TTC17: variants seen among roughly 807,000 people sequenced by gnomAD.
The protein encoded by TTC17 is tetratricopeptide repeat protein 17.
TTC17 carries 58 observed loss-of-function variants against 143.8 expected under a neutral mutation model. The observed-to-expected ratio is 0.40, with a 90% confidence interval of 0.33 to 0.50. The LOEUF (loss-of-function observed/expected upper bound fraction) is 0.50, where lower values mean the gene tolerates loss of function less well. Ranked by LOEUF, TTC17 falls within the 20% of genes least tolerant of loss-of-function variation. TTC17 has a pLI of 0.49. For missense variants in TTC17, 1,273 were observed against 1,392.5 expected (o/e 0.91, Z 1.37); for synonymous variants, 501 against 497.8 (o/e 1.01, Z -0.09).
At chr11:43,376,139 C>T (rs374880298) in intron 1 of TTC17, among the ~76,000 whole-genome samples, 11 of 152,210 alleles carry the variant, frequency 7.2e-5, no homozygotes, top group East Asian at 3.9e-4. Flanking sequence ...TTTCAGATTT[C>T]GGATTTTCAG....
At chr11:43,378,213 A>C (rs974777499) in intron 1 of TTC17, among the ~76,000 whole-genome samples, 5 of 152,132 alleles carry the variant, frequency 3.3e-5, no homozygotes, top group Non-Finnish European at 7.4e-5. Flanking sequence ...TTGGTTAGGC[A>C]TTTTGGAATG....
At chr11:43,469,960 GA>G (rs1282253575) in intron 21 of TTC17, among the ~76,000 whole-genome samples, 1 of 152,118 alleles carries the variant, frequency 6.6e-6, no homozygotes, top group Non-Finnish European at 1.5e-5. Flanking sequence ...TGGAGGCTCA[GA>G]AATATAGGAA....
chr11:43,452,236 A>G (rs928192108), intron 21 of TTC17, among the ~76,000 whole-genome samples: 6 of 152,212 alleles, frequency 3.9e-5, no homozygotes, highest in Non-Finnish European at 2.9e-5. Context: ...CCGGTGGCTC[A>G]CACCTGTAAT....
At chr11:43,437,095 A>G (rs1947309973) in intron 16 of TTC17, among the ~76,000 whole-genome samples, 1 of 151,692 alleles carries the variant, frequency 6.6e-6, no homozygotes, top group African/African-American at 2.4e-5. Flanking sequence ...ACAACTCCAG[A>G]TCTTATTTCT....
intron 1 of TTC17, among the ~76,000 whole-genome samples, chr11:43,369,259 G>C (rs750107187): frequency 6.6e-6 from 1 of 152,162 alleles, no homozygotes; most frequent in African/African-American, 2.4e-5. Flanking sequence ...TTACTAACTT[G>C]CTTGTCAATT....
chr11:43,463,695 G>C (rs1214496275), intron 21 of TTC17, among the ~76,000 whole-genome samples: 3 of 151,884 alleles, frequency 2.0e-5, no homozygotes, highest in Admixed American at 2.0e-4. Context: ...CTGGTGCCAG[G>C]CAAGCTATTA....
chr11:43,404,056 A>G lies in TTC17; in HGVS notation c.1391A>G (p.Asn464Ser). The change falls in exon 11 of 24, where the codon AAT (asparagine) becomes AGT (serine). Residue 464 changes from asparagine (N) to serine (S), a missense_variant. By Grantham distance (46) the Asn-to-Ser change is conservative. This residue lies in a region of TTC17 where 878 missense variants were observed against 899.8 expected (regional missense o/e 0.98). Coordinates refer to ENST00000039989, the MANE Select transcript of TTC17 (RefSeq NM_018259.6). ...MMSVNFDVQS[N>S]QSDINDSVKS... ...TCTGTGAACTTTGATGTTCAATCAA[A>G]TCAGAGTGATATCAATGATTCGGTC... is the stretch of plus-strand genomic sequence containing the variant. The G allele has an allele frequency of 6.2e-7, 1 of 1,613,290 alleles. No individual in the cohort carries two copies. Among genetic ancestry groups the G allele is most frequent in the Non-Finnish European group, 8.5e-7 (1 of 1,179,578 alleles).
intron 15 of TTC17, among the ~76,000 whole-genome samples, chr11:43,411,751 A>G (rs1404970394): frequency 6.6e-6 from 1 of 152,236 alleles, no homozygotes; most frequent in African/African-American, 2.4e-5. Context: ...ATATAAAGAT[A>G]CATTTGAAGT....
chr11:43,446,781 A>T, intron 18 of TTC17: 1 of 631,914 alleles, frequency 1.6e-6, no homozygotes, highest in South Asian at 7.1e-5. Context: ...CCCAGACAAG[A>T]CAGTTCTGCT....
At chr11:43,480,373 T>G (rs1174041128) in intron 21 of TTC17, among the ~76,000 whole-genome samples, 1 of 152,204 alleles carries the variant, frequency 6.6e-6, no homozygotes, top group African/African-American at 2.4e-5. Context: ...TAGCCACTAT[T>G]AAGGCCAGAT....
intron 16 of TTC17, among the ~76,000 whole-genome samples, chr11:43,417,223 C>G (rs1590385878): frequency 6.6e-6 from 1 of 151,942 alleles, no homozygotes; most frequent in African/African-American, 2.4e-5. Context: ...CCAGGAACTT[C>G]TTATGCTTGA....
At chr11:43,475,727 G>A (rs1325062549) in intron 21 of TTC17, among the ~76,000 whole-genome samples, 1 of 152,152 alleles carries the variant, frequency 6.6e-6, no homozygotes, top group Non-Finnish European at 1.5e-5. Flanking sequence ...CAGTTATCAC[G>A]TTGGTGCTCA....
At chr11:43,490,434 A>G (rs1176999047) in intron 22 of TTC17, 76 bp downstream of exon 22, 2 of 1,479,280 alleles carry the variant, frequency 1.4e-6, no homozygotes, top group Admixed American at 3.9e-5. Flanking sequence ...TGCCCTTTGA[A>G]CCAGCCTCCC....
At chr11:43,488,716 A>G (rs903843367) in intron 21 of TTC17, among the ~76,000 whole-genome samples, 6 of 152,132 alleles carry the variant, frequency 3.9e-5, no homozygotes, top group African/African-American at 1.2e-4. Flanking sequence ...TTTTTAAGAG[A>G]CAGGGTCTCA....
At chr11:43,451,123 T>C in intron 20 of TTC17, 59 bp from the exon 21 acceptor site, 1 of 1,510,446 alleles carries the variant, frequency 6.6e-7, no homozygotes, top group Non-Finnish European at 9.2e-7. Flanking sequence ...GCATTAGCAG[T>C]ATCATCTAGA....
At chr11:43,471,647 T>A (rs903352786) in intron 21 of TTC17, among the ~76,000 whole-genome samples, 9 of 152,236 alleles carry the variant, frequency 5.9e-5, no homozygotes, top group African/African-American at 2.2e-4. Context: ...AAGGTTAACA[T>A]GAGATCAACT....
intron 21 of TTC17, among the ~76,000 whole-genome samples, chr11:43,474,827 T>C (rs956679872): frequency 3.3e-5 from 5 of 151,118 alleles, no homozygotes; most frequent in South Asian, 4.1e-4. Flanking sequence ...TGTATTCTTA[T>C]AATCTATAGA....
At chr11:43,400,616 G>A (rs150927740) in intron 9 of TTC17, among the ~76,000 whole-genome samples, 8 of 152,138 alleles carry the variant, frequency 5.3e-5, no homozygotes, top group African/African-American at 1.9e-4. Flanking sequence ...TCTTAACCTG[G>A]GTCAATGGAT....
chr11:43,391,992 A>C, intron 5 of TTC17, 40 bp downstream of exon 5: 1 of 1,566,188 alleles, frequency 6.4e-7, no homozygotes, highest in Middle Eastern at 1.7e-4. Flanking sequence ...GGGCTGAGCC[A>C]GCGGGCTCTG....
Sources: gnomAD v4.1 joint callset for allele counts (sites outside exome capture counted in the v4.1 genomes callset) on GRCh38, gnomAD v4.1.1 for gene constraint, gnomAD v4.1.1 regional missense constraint, MANE v1.5 for transcripts, NCBI Gene and HGNC (gene_info 2026-07-23, HGNC 2026-07-21) for gene names.